CNTNAP5: variants seen among roughly 807,000 people sequenced by gnomAD.
CNTNAP5 encodes the protein contactin associated protein family member 5, also known as contactin-associated protein-like 5.
A neutral mutation model predicts 150.2 loss-of-function variants in CNTNAP5; 72 were observed. That is an observed-to-expected ratio of 0.48 (90% CI 0.40 to 0.58). The LOEUF (loss-of-function observed/expected upper bound fraction) is 0.58. CNTNAP5 is among the 20% of genes least tolerant of loss of function. The probability of loss-of-function intolerance (pLI) is 0.00; values close to 1 mark genes in which losing one functional copy is unlikely to be tolerated. For missense variants in CNTNAP5, 1,636 were observed against 1,626.2 expected, an observed-to-expected ratio of 1.01 and a Z score of -0.10; for synonymous variants, 672 against 619.8, an observed-to-expected ratio of 1.08 and a Z score of -1.25.
At chr2:124,382,384 G>A (rs1486665734) in intron 3 of CNTNAP5, among the ~76,000 whole-genome samples, 2 of 152,162 alleles carry the variant, frequency 1.3e-5, no homozygotes, top group African/African-American at 2.4e-5. Flanking sequence ...TATTGGAGAT[G>A]TGAAGAGAGA....
At chr2:124,028,107 G>A (rs1298289940) in intron 1 of CNTNAP5, among the ~76,000 whole-genome samples, 3 of 152,044 alleles carry the variant, frequency 2.0e-5, no homozygotes, top group Admixed American at 6.6e-5. Flanking sequence ...TTTTTTACAA[G>A]ATTATTCTTC....
chr2:124,557,415 A>G (rs1009490950), intron 10 of CNTNAP5, among the ~76,000 whole-genome samples: 1 of 152,154 alleles, frequency 6.6e-6, no homozygotes, highest in African/African-American at 2.4e-5. Flanking sequence ...TGCAGGTAAT[A>G]GTAAATGGGT....
chr2:124,440,873 A>G (rs767559552), intron 5 of CNTNAP5, among the ~76,000 whole-genome samples: 2 of 152,126 alleles, frequency 1.3e-5, no homozygotes, highest in Non-Finnish European at 2.9e-5. Context: ...AATTAGAAAC[A>G]AGTTAAAACT....
intron 8 of CNTNAP5, among the ~76,000 whole-genome samples, chr2:124,517,920 G>T (rs1280566377): frequency 1.3e-5 from 2 of 151,656 alleles, no homozygotes; most frequent in Non-Finnish European, 2.9e-5. Flanking sequence ...AGGGGTTGTG[G>T]TGTTGGTGAT....
intron 19 of CNTNAP5, among the ~76,000 whole-genome samples, chr2:124,818,453 A>ACG (rs1558788020): frequency 2.6e-5 from 4 of 151,952 alleles, no homozygotes; most frequent in African/African-American, 9.7e-5. Flanking sequence ...CTTGAGCCCA[A>ACG]GGGGGGTTTG....
At position 124,025,375 on chromosome 2, in the gene CNTNAP5, T is replaced by G; in HGVS notation, c.-276T>G. On this transcript the variant is annotated 5_prime_UTR_variant, in exon 1 of 24. Coordinates refer to ENST00000682447, the MANE Select transcript of CNTNAP5 (RefSeq NM_001367498.1). Reference sequence around the variant, plus strand: ...TCTAATTGGGTTTGGATTTGCACCGTTAAGGAGGGGGGAAGAGAAGGAAGA... The same window carrying G: ...TCTAATTGGGTTTGGATTTGCACCGGTAAGGAGGGGGGAAGAGAAGGAAGA... 14 of 468,208 alleles carry G rather than the reference T, an allele frequency of 3.0e-5. No individual in the cohort carries two copies. The highest frequency in any genetic ancestry group is 4.3e-5 in the Non-Finnish European group (11 of 253,922). 29.0% of individuals were successfully genotyped at this position (468,208 alleles called of 1,614,324 possible).
chr2:124,541,179 AT>A lies in CNTNAP5; in HGVS notation c.1649+13740del, dbSNP rs3980963. 4.1e-3 allele frequency among the ~76,000 whole-genome samples: 340 copies of A among 83,066 alleles called. 19 individuals are homozygous for A. The highest frequency in any genetic ancestry group is 0.011 in the African/African-American group (239 of 21,366). 54.5% of individuals were successfully genotyped at this position (83,066 alleles called of 152,430 possible). A position where few individuals can be genotyped will look rare whatever the true frequency, so the allele number is the denominator to read the frequency against. On this transcript the variant is annotated intron_variant, in intron 10 of 23. Transcript: ENST00000682447. ...AGAGGATAAGAAGTACAAAATTCCG[AT>A]TTTTTTTTTTTTTTTTGGTGAGAAG...
chr2:124,664,634 A>G (rs139150175), intron 13 of CNTNAP5, among the ~76,000 whole-genome samples: 107 of 152,314 alleles, frequency 7.0e-4, no homozygotes, highest in African/African-American at 2.3e-3. Flanking sequence ...TTCTGCTTAC[A>G]GCACATTGCC....
chr2:124,389,227 GA>G (rs35698339), intron 3 of CNTNAP5, among the ~76,000 whole-genome samples: 1 of 151,706 alleles, frequency 6.6e-6, no homozygotes, highest in South Asian at 2.1e-4. Flanking sequence ...TGTTTTGTTT[GA>G]AAAAAAATAT....
intron 7 of CNTNAP5, among the ~76,000 whole-genome samples, chr2:124,485,875 A>G (rs1191005223): frequency 6.6e-6 from 1 of 152,104 alleles, no homozygotes; most frequent in East Asian, 1.9e-4. Context: ...GACAAAGCAT[A>G]ACATTCAGCC....
intron 1 of CNTNAP5, among the ~76,000 whole-genome samples, chr2:124,040,621 C>CTGTGTGTG (rs58364625): frequency 0.14 from 20,711 of 144,984 alleles, 1,504 homozygotes; most frequent in East Asian, 0.18. Context: ...CTGTATGCCT[C>CTGTGTGTG]TGTGTGTGTG....
At chr2:124,829,611 T>A (rs1010613626) in intron 19 of CNTNAP5, among the ~76,000 whole-genome samples, 2 of 151,928 alleles carry the variant, frequency 1.3e-5, no homozygotes, top group Non-Finnish European at 2.9e-5. Context: ...AAAAAAAAAA[T>A]TGATAATCAT....
chr2:124,628,536 A>G (rs990041619), intron 12 of CNTNAP5, among the ~76,000 whole-genome samples: 16 of 152,210 alleles, frequency 1.1e-4, no homozygotes, highest in African/African-American at 3.9e-4. Flanking sequence ...TTTCACCAGC[A>G]GGCCTGCCTT....
At chr2:124,071,928 A>G (rs1296542364) in intron 1 of CNTNAP5, among the ~76,000 whole-genome samples, 1 of 152,022 alleles carries the variant, frequency 6.6e-6, no homozygotes, top group Non-Finnish European at 1.5e-5. Context: ...AGACACATCA[A>G]AAAAGAAAAC....
chr2:124,414,495 CA>C (rs1691867260), intron 3 of CNTNAP5, among the ~76,000 whole-genome samples: 1 of 152,102 alleles, frequency 6.6e-6, no homozygotes. Context: ...TATGAAACTG[CA>C]AATGATATGG....
intron 4 of CNTNAP5, among the ~76,000 whole-genome samples, chr2:124,418,739 C>T (rs1366209977): frequency 2.6e-5 from 4 of 152,198 alleles, no homozygotes; most frequent in Non-Finnish European, 5.9e-5. Context: ...AAGCACAGAA[C>T]ACCTACAAGG....
At chr2:124,065,903 C>G (rs1470728721) in intron 1 of CNTNAP5, among the ~76,000 whole-genome samples, 1 of 152,194 alleles carries the variant, frequency 6.6e-6, no homozygotes, top group African/African-American at 2.4e-5. Flanking sequence ...TAAAGTCCAT[C>G]TGCTTTATAA....
At chr2:124,545,759 C>T (rs1269926623) in intron 10 of CNTNAP5, among the ~76,000 whole-genome samples, 2 of 152,038 alleles carry the variant, frequency 1.3e-5, no homozygotes, top group African/African-American at 4.8e-5. Context: ...TAACCCAGGA[C>T]ACTCTTCAAA....
chr2:124,570,529 G>A (rs1221936286), intron 11 of CNTNAP5, among the ~76,000 whole-genome samples: 1 of 151,862 alleles, frequency 6.6e-6, no homozygotes, highest in Admixed American at 6.6e-5. Flanking sequence ...TTACTTCTCT[G>A]CTGGCCAACT....
Sources: gnomAD v4.1 joint callset for allele counts (sites outside exome capture counted in the v4.1 genomes callset) on GRCh38, gnomAD v4.1.1 for gene constraint, MANE v1.5 for transcripts, NCBI Gene and HGNC (gene_info 2026-07-23, HGNC 2026-07-21) for gene names.